Variants in CDS2 observed in about 807,000 individuals in gnomAD.
CDS2 encodes the protein phosphatidate cytidylyltransferase 2.
CDS2 carries 47 observed loss-of-function variants against 59.0 expected under a neutral mutation model. The ratio of observed to expected loss-of-function variants is 0.80; its 90% CI spans 0.63 to 1.02. The LOEUF is 1.02. CDS2 is among the 50% of genes least tolerant of loss of function. CDS2 has a pLI of 0.00. For synonymous variants in CDS2, 207 were observed against 206.4 expected (o/e 1.00, Z -0.02); for missense variants, 356 against 558.9 (o/e 0.64, Z 3.66).
At position 5,192,634 on chromosome 20, in the gene CDS2, T is replaced by C. The variant is rs1207436053; in HGVS notation, c.*2400T>C. The C allele has an allele frequency of 6.6e-6, 1 of 152,194 alleles. No homozygotes were observed. The highest frequency in any genetic ancestry group is 1.5e-5 in the Non-Finnish European group (1 of 68,024). 9.4% of individuals were successfully genotyped at this position (152,194 alleles called of 1,614,324 possible). Reference sequence around the variant, plus strand: ...TTGCTTTAGACCCATTTTTTTTTTATTGGTCAGAAATAAAATGTGACTGCA... The same window carrying C: ...TTGCTTTAGACCCATTTTTTTTTTACTGGTCAGAAATAAAATGTGACTGCA... On this transcript the variant is annotated 3_prime_UTR_variant, in exon 13 of 13. Coordinates refer to ENST00000460006, the MANE Select transcript of CDS2 (RefSeq NM_003818.4).
intron 1 of CDS2, among the ~76,000 whole-genome samples, chr20:5,151,438 A>G (rs928617508): frequency 3.3e-5 from 5 of 152,314 alleles, no homozygotes; most frequent in Admixed American, 3.3e-4. Context: ...CATTTACTAC[A>G]TTTAATTCAA....
In CDS2 at chr20:5,192,542, A is replaced by G. The variant is rs143328476; in HGVS notation, c.*2308A>G. The G allele has an allele frequency of 6.6e-6, 1 of 152,320 alleles. No homozygotes were observed. The highest frequency in any genetic ancestry group is 2.4e-5 in the African/African-American group (1 of 41,564). The allele number at this position is 152,320 out of a possible 1,614,324, so 9.4% of individuals were successfully genotyped here. A position where few individuals can be genotyped will look rare whatever the true frequency, so the allele number is the denominator to read the frequency against. Reference sequence around the variant, plus strand: ...ATATAGCACAATGTTTCTCTTTCCTATTCACAGACAAGATTCAAGAAACCA... The same window carrying G: ...ATATAGCACAATGTTTCTCTTTCCTGTTCACAGACAAGATTCAAGAAACCA... On this transcript the variant is annotated 3_prime_UTR_variant, in exon 13 of 13. Transcript: ENST00000460006.
intron 1 of CDS2, among the ~76,000 whole-genome samples, chr20:5,144,559 A>G (rs1225548563): frequency 6.6e-6 from 1 of 152,206 alleles, no homozygotes; most frequent in Non-Finnish European, 1.5e-5. Context: ...TGGAGACTAC[A>G]TATCTCTTTT....
intron 6 of CDS2, 76 bp downstream of exon 6, chr20:5,182,521 T>A (rs2091038818): frequency 1.5e-6 from 2 of 1,322,994 alleles, no homozygotes; most frequent in African/African-American, 2.9e-5. Context: ...AAGCCTTTCA[T>A]GCTTTCTGTG....
intron 5 of CDS2, among the ~76,000 whole-genome samples, chr20:5,179,630 G>A (rs2091019097): frequency 6.6e-6 from 1 of 152,206 alleles, no homozygotes; most frequent in African/African-American, 2.4e-5. Flanking sequence ...ACCGCCTTGG[G>A]TGACATTGTA....
At chr20:5,139,796 A>G (rs1201372789) in intron 1 of CDS2, among the ~76,000 whole-genome samples, 2 of 143,772 alleles carry the variant, frequency 1.4e-5, no homozygotes, top group Non-Finnish European at 3.0e-5. Context: ...CTTTTTCAGC[A>G]TCCTTTTTTT....
At chr20:5,146,584 T>G (rs770902236) in intron 1 of CDS2, among the ~76,000 whole-genome samples, 5 of 152,234 alleles carry the variant, frequency 3.3e-5, no homozygotes, top group Non-Finnish European at 5.9e-5. Flanking sequence ...GCAGTAAACC[T>G]TTATAAAATA....
chr20:5,139,322 A>G (rs1309950526), intron 1 of CDS2, among the ~76,000 whole-genome samples: 1 of 152,360 alleles, frequency 6.6e-6, no homozygotes, highest in African/African-American at 2.4e-5. Context: ...AGATCATGCC[A>G]TAGCACTCCA....
chr20:5,173,973 C>T (rs2090975534), intron 2 of CDS2, among the ~76,000 whole-genome samples: 1 of 152,210 alleles, frequency 6.6e-6, no homozygotes, highest in Non-Finnish European at 1.5e-5. Flanking sequence ...GGTCAGCTGA[C>T]ACTGCACAGC....
intron 1 of CDS2, among the ~76,000 whole-genome samples, chr20:5,129,784 T>C (rs1458952902): frequency 6.6e-6 from 1 of 151,670 alleles, no homozygotes; most frequent in Non-Finnish European, 1.5e-5. Context: ...TTTCACTGTA[T>C]TGGCCAGGCT....
chr20:5,177,563 G>T (rs1316172116), intron 4 of CDS2, among the ~76,000 whole-genome samples: 2 of 152,192 alleles, frequency 1.3e-5, no homozygotes, highest in Admixed American at 6.5e-5. Flanking sequence ...TTCTCAGGTG[G>T]TGACTTTTGA....
chr20:5,135,681 T>G (rs552328438), intron 1 of CDS2, among the ~76,000 whole-genome samples: 1 of 152,142 alleles, frequency 6.6e-6, no homozygotes, highest in Admixed American at 6.5e-5. Flanking sequence ...GTCACTGATA[T>G]TTGTTCTCAT....
At chr20:5,163,250 G>GT (rs1176948498) in intron 1 of CDS2, among the ~76,000 whole-genome samples, 1 of 151,972 alleles carries the variant, frequency 6.6e-6, no homozygotes, top group Non-Finnish European at 1.5e-5. Flanking sequence ...AGTTTTTTTT[G>GT]TTTCGTTTTT....
At chr20:5,183,726 A>G (rs1159434324) in intron 7 of CDS2, among the ~76,000 whole-genome samples, 8 of 152,234 alleles carry the variant, frequency 5.3e-5, no homozygotes, top group Non-Finnish European at 1.0e-4. Context: ...TAAATAAAAT[A>G]CTAGCAAATA....
rs1040555217 is a variant in CDS2 at position 5,186,816 on chromosome 20, G to A, written c.958G>A (p.Val320Met). Reference protein sequence around the residue: ...FRLQEYNIPGVIQSVIGWKTV... With the variant: ...FRLQEYNIPGMIQSVIGWKTV... ...CCTGCAGGAGTACAACATTCCTGGG[G>A]TGATCCAGTCAGTCATTGGCTGGGT... The change falls in exon 10 of 13, where the codon GTG (valine) becomes ATG (methionine). Residue 320 changes from valine to methionine, a missense_variant. By Grantham distance (21) the Val-to-Met change is conservative. Coordinates refer to ENST00000460006, the MANE Select transcript of CDS2 (RefSeq NM_003818.4). The A allele has an allele frequency of 7.4e-6, 12 of 1,614,042 alleles. No homozygotes were observed. The highest frequency in any genetic ancestry group is 1.0e-5 in the Non-Finnish European group (12 of 1,180,022).
chr20:5,148,237 G>GCACA (rs2090759489), intron 1 of CDS2, among the ~76,000 whole-genome samples: 1 of 152,156 alleles, frequency 6.6e-6, no homozygotes, highest in South Asian at 2.1e-4. Context: ...ACTTGCTGGA[G>GCACA]GTGGCACAGG....
chr20:5,154,319 A>G (rs1309018772), intron 1 of CDS2, among the ~76,000 whole-genome samples: 1 of 152,198 alleles, frequency 6.6e-6, no homozygotes, highest in Non-Finnish European at 1.5e-5. Flanking sequence ...TTTCATTCTA[A>G]GAGCCTTGAC....
At chr20:5,172,870 G>A (rs2090966620) in intron 1 of CDS2, among the ~76,000 whole-genome samples, 1 of 152,150 alleles carries the variant, frequency 6.6e-6, no homozygotes, top group East Asian at 1.9e-4. Context: ...CTGCTGGCAT[G>A]GCTCTGGTTC....
chr20:5,130,003 G>A (rs748091773), intron 1 of CDS2, among the ~76,000 whole-genome samples: 9 of 151,288 alleles, frequency 5.9e-5, no homozygotes, highest in East Asian at 1.9e-4. Context: ...ACAGAGTTTC[G>A]CTCTTGTTGC....
Sources: gnomAD v4.1 joint callset for allele counts (sites outside exome capture counted in the v4.1 genomes callset) on GRCh38, gnomAD v4.1.1 for gene constraint, MANE v1.5 for transcripts, NCBI Gene and HGNC (gene_info 2026-07-23, HGNC 2026-07-21) for gene names.